Variants in EFCAB6 observed in about 807,000 individuals in gnomAD.
The protein encoded by EFCAB6 is EF-hand calcium binding domain 6.
A neutral mutation model predicts 169.8 loss-of-function variants in EFCAB6; 156 were observed. That is an observed-to-expected ratio of 0.92 (90% CI 0.81 to 1.05). The LOEUF (loss-of-function observed/expected upper bound fraction) is 1.05. EFCAB6 is among the 50% of genes least tolerant of loss of function. EFCAB6 has a pLI of 0.00. For missense variants in EFCAB6, 1,800 were observed against 1,829.1 expected, an observed-to-expected ratio of 0.98 and a Z score of 0.29; for synonymous variants, 698 against 676.4, an observed-to-expected ratio of 1.03 and a Z score of -0.50.
intron 18 of EFCAB6, 37 bp downstream of exon 18, chr22:43,635,065 A>C (rs1433665044): frequency 6.4e-7 from 1 of 1,552,008 alleles, no homozygotes; most frequent in Non-Finnish European, 8.9e-7. Context: ...GTCACCCAGG[A>C]CGCATCCCAC....
intron 8 of EFCAB6, among the ~76,000 whole-genome samples, chr22:43,721,592 C>G (rs2059528545): frequency 6.6e-6 from 1 of 151,894 alleles, no homozygotes; most frequent in South Asian, 2.1e-4. Flanking sequence ...ATAAAGCTAC[C>G]CACTTAAAAC....
Position 43,774,740 on chromosome 22 carries a change from C to T in EFCAB6, c.140-1637G>A, listed in dbSNP as rs140016365. Among the ~76,000 whole-genome samples, 71 of 151,244 alleles carry T rather than the reference C, an allele frequency of 4.7e-4. No individual in the cohort carries two copies. In the Middle Eastern group the frequency reaches 0.021, roughly 44 times the overall value. The stretch of plus-strand genomic sequence containing the variant: ...AAGCAACTTGGTGATCCTGAGGGAA[C>T]GCAGCTGGAAGTGGGGCTGCTGTGG... On this transcript the variant is annotated intron_variant, in intron 3 of 31. Coordinates refer to ENST00000262726, the MANE Select transcript of EFCAB6 (RefSeq NM_022785.4).
At chr22:43,606,868 C>T (rs2052956117) in intron 22 of EFCAB6, among the ~76,000 whole-genome samples, 1 of 152,224 alleles carries the variant, frequency 6.6e-6, no homozygotes, top group African/African-American at 2.4e-5. Flanking sequence ...CCCTCAGAAA[C>T]AGGCTCCGTC....
chr22:43,586,291 G>A (rs2051058108), intron 24 of EFCAB6, among the ~76,000 whole-genome samples: 1 of 149,004 alleles, frequency 6.7e-6, no homozygotes, highest in Non-Finnish European at 1.5e-5. Flanking sequence ...CTTAAAGGTG[G>A]GCTTAGGCTA....
intron 15 of EFCAB6, among the ~76,000 whole-genome samples, chr22:43,669,437 T>C (rs1666424086): frequency 6.6e-6 from 1 of 152,186 alleles, no homozygotes; most frequent in African/African-American, 2.4e-5. Context: ...AATCACAAAA[T>C]TGTTATGCTT....
chr22:43,528,800 G>A lies in EFCAB6; in HGVS notation c.*53C>T. 6.6e-7 allele frequency: 1 copy of A among 1,513,592 alleles called. No homozygotes were observed. The highest frequency in any genetic ancestry group is 1.3e-5 in the South Asian group (1 of 77,898). The allele number at this position is 1,513,592 out of a possible 1,614,324, so 93.8% of individuals were successfully genotyped here. A position where few individuals can be genotyped will look rare whatever the true frequency, so the allele number is the denominator to read the frequency against. On this transcript the variant is annotated 3_prime_UTR_variant, in exon 32 of 32. Transcript: ENST00000262726. ...ACCCCCAAATTATAGGATTTTATTA[G>A]CCTTGAAACAGGCCCTGTGGCTGTC...
chr22:43,667,371 A>C, intron 16 of EFCAB6, 99 bp from the exon 17 acceptor site: 2 of 1,421,322 alleles, frequency 1.4e-6, no homozygotes, highest in South Asian at 2.8e-5. Flanking sequence ...TGACAGTAAG[A>C]AGGTTTCCCA....
chr22:43,693,538 T>C (rs555232840), intron 10 of EFCAB6, among the ~76,000 whole-genome samples: 53 of 148,216 alleles, frequency 3.6e-4, no homozygotes, highest in African/African-American at 1.2e-3. Context: ...GCATCCTAGA[T>C]GATATCCTGG....
intron 25 of EFCAB6, among the ~76,000 whole-genome samples, chr22:43,579,733 T>C (rs1002011042): frequency 2.0e-5 from 3 of 150,702 alleles, no homozygotes; most frequent in Non-Finnish European, 2.9e-5. Context: ...CATGCAGGCA[T>C]CATTCCCTAC....
At chr22:43,648,808 T>C (rs2056316295) in intron 17 of EFCAB6, among the ~76,000 whole-genome samples, 1 of 152,206 alleles carries the variant, frequency 6.6e-6, no homozygotes, top group African/African-American at 2.4e-5. Context: ...TTTTTAGCCA[T>C]AATGCCATGA....
chr22:43,773,891 G>A (rs1227394502), intron 3 of EFCAB6, among the ~76,000 whole-genome samples: 1 of 152,132 alleles, frequency 6.6e-6, no homozygotes, highest in Non-Finnish European at 1.5e-5. Context: ...ATAAGCTTTT[G>A]GGTTTTGAAC....
chr22:43,678,825 TCA>T (rs2057886204), intron 12 of EFCAB6, among the ~76,000 whole-genome samples: 1 of 152,200 alleles, frequency 6.6e-6, no homozygotes, highest in South Asian at 2.1e-4. Context: ...AACCTTTACC[TCA>T]TACGGAGACA....
chr22:43,720,001 T>C (rs1329529652), intron 8 of EFCAB6, among the ~76,000 whole-genome samples: 2 of 152,296 alleles, frequency 1.3e-5, no homozygotes, highest in East Asian at 3.9e-4. Flanking sequence ...AGAGAATAGA[T>C]GTTAAGTGTT....
chr22:43,810,969 T>C lies in EFCAB6; in HGVS notation c.-145+1199A>G, dbSNP rs530067437. ...AATGGATAAAAGACATGAACTGTAG[T>C]GTATGAAAGTAGAATTGATTTACAG... On this transcript the variant is annotated intron_variant, in intron 1 of 31. Coordinates refer to ENST00000262726, the MANE Select transcript of EFCAB6 (RefSeq NM_022785.4). Among the ~76,000 whole-genome samples the C allele has an allele frequency of 1.9e-4, 29 of 152,194 alleles. No individual in the cohort carries two copies. In the South Asian group the frequency reaches 4.4e-3, roughly 23 times the overall value.
chr22:43,539,718 T>C (rs1226179255), intron 28 of EFCAB6, among the ~76,000 whole-genome samples: 2 of 152,206 alleles, frequency 1.3e-5, no homozygotes, highest in African/African-American at 4.8e-5. Flanking sequence ...AGAATGCCTC[T>C]TAGAGCCTCA....
In EFCAB6 at chr22:43,594,339, C is replaced by T. The variant is rs960049121; in HGVS notation, c.2877-4110G>A. ...ACTAGTTTTAAAATTTGAAGGTAGA[C>T]AAAAAGTTGCTAGATGGATTAAAAA... On this transcript the variant is annotated intron_variant, in intron 23 of 31. Transcript: ENST00000262726. Among the ~76,000 whole-genome samples, 10 of 134,248 alleles carry T rather than the reference C, an allele frequency of 7.4e-5. No individual in the cohort carries two copies. The East Asian group carries it at 8.2e-4, about 11-fold the overall frequency. 88.1% of individuals were successfully genotyped at this position (134,248 alleles called of 152,430 possible). A position where few individuals can be genotyped will look rare whatever the true frequency, so the allele number is the denominator to read the frequency against.
At chr22:43,702,298 A>C (rs2058793967) in intron 10 of EFCAB6, among the ~76,000 whole-genome samples, 1 of 152,202 alleles carries the variant, frequency 6.6e-6, no homozygotes, top group Non-Finnish European at 1.5e-5. Context: ...AAGATGACAG[A>C]ATTGTCGGTC....
At chr22:43,757,281 C>G (rs1323289263) in intron 5 of EFCAB6, among the ~76,000 whole-genome samples, 1 of 152,214 alleles carries the variant, frequency 6.6e-6, no homozygotes, top group Non-Finnish European at 1.5e-5. Flanking sequence ...AGCATGGTGG[C>G]TCACGCCTGT....
In EFCAB6 at chr22:43,672,100, T is replaced by G; in HGVS notation, c.1513A>C (p.Asn505His). The stretch of plus-strand genomic sequence containing the variant: ...AGCATGTTATAAAAAGCTTGTAGGT[T>G]CCTAGTAATTGTATCATGAACAATT... ...EEIVHDTITR[N>H]LQAFYNMLRS... Residue 505 changes from asparagine to histidine, a missense_variant, in exon 15 of 32, where the codon AAC (asparagine) becomes CAC (histidine). By Grantham distance (68) the Asn-to-His change is moderately conservative (BLOSUM62 1). Coordinates refer to ENST00000262726, the MANE Select transcript of EFCAB6 (RefSeq NM_022785.4). The G allele has an allele frequency of 6.2e-7, 1 of 1,613,826 alleles. No homozygotes were observed. The highest frequency in any genetic ancestry group is 8.5e-7 in the Non-Finnish European group (1 of 1,179,936).
Sources: allele counts gnomAD v4.1 joint callset (sites outside exome capture counted in the v4.1 genomes callset), GRCh38; gene constraint gnomAD v4.1.1; transcripts MANE v1.5; gene names NCBI Gene and HGNC (gene_info 2026-07-23, HGNC 2026-07-21).